STK32B: variants seen among roughly 807,000 people sequenced by gnomAD.
The protein encoded by STK32B is serine/threonine kinase 32B.
Under a neutral mutation model 52.6 loss-of-function variants are expected in STK32B, and 43 were observed. The ratio of observed to expected loss-of-function variants is 0.82; its 90% CI spans 0.64 to 1.05. The LOEUF (loss-of-function observed/expected upper bound fraction) is 1.05. Among genes scored for constraint, STK32B ranks in the 50% least tolerant of loss-of-function variants. The pLI, the probability that STK32B is intolerant of heterozygous loss-of-function variation, is 0.00. For synonymous variants in STK32B, 238 were observed against 204.3 expected (o/e 1.17, Z -1.41); for missense variants, 621 against 534.6 (o/e 1.16, Z -1.59).
At chr4:5,090,349 A>C (rs1446976668) in intron 1 of STK32B, among the ~76,000 whole-genome samples, 1 of 133,804 alleles carries the variant, frequency 7.5e-6, no homozygotes, top group Non-Finnish European at 1.6e-5. Context: ...TTTGGGTTTT[A>C]CATTTAAGTC....
At chr4:5,313,305 C>T (rs1379502244) in intron 3 of STK32B, among the ~76,000 whole-genome samples, 1 of 151,886 alleles carries the variant, frequency 6.6e-6, no homozygotes, top group African/African-American at 2.4e-5. Context: ...TCAATTGATG[C>T]AGAGAGAGCA....
At chr4:5,285,722 A>G (rs1728501960) in intron 3 of STK32B, among the ~76,000 whole-genome samples, 1 of 152,230 alleles carries the variant, frequency 6.6e-6, no homozygotes, top group Non-Finnish European at 1.5e-5. Flanking sequence ...CCTTATTAGT[A>G]GATAGATCAA....
the STK32B span, among the ~76,000 whole-genome samples, chr4:5,035,709 T>C: frequency 1.3e-5 from 2 of 152,212 alleles, no homozygotes; most frequent in Non-Finnish European, 2.9e-5. Flanking sequence ...AGGATCTTTT[T>C]AAACATTTGT....
chr4:5,195,736 G>A (rs894708550), intron 3 of STK32B, among the ~76,000 whole-genome samples: 1 of 152,178 alleles, frequency 6.6e-6, no homozygotes, highest in Non-Finnish European at 1.5e-5. Context: ...TGATAATTCT[G>A]TGACGTCCTG....
chr4:5,144,956 A>C (rs1562427), intron 2 of STK32B, among the ~76,000 whole-genome samples: 49,529 of 152,098 alleles, frequency 0.33, 9,495 homozygotes, highest in Non-Finnish European at 0.44. Flanking sequence ...AGTAATAAAC[A>C]GTCAACTATA....
chr4:5,295,187 T>A (rs10013689), intron 3 of STK32B, among the ~76,000 whole-genome samples: 4,096 of 152,246 alleles, frequency 0.027, 85 homozygotes, highest in East Asian at 0.071. Context: ...AGTATTTTAT[T>A]GAGGATTTTT....
chr4:5,434,084 G>T (rs921751804), intron 6 of STK32B, among the ~76,000 whole-genome samples: 4 of 152,158 alleles, frequency 2.6e-5, no homozygotes, highest in African/African-American at 4.8e-5. Context: ...ATCTTTCCAG[G>T]CCATTGCAGG....
At chr4:5,060,200 A>T (rs773559555) in intron 1 of STK32B, among the ~76,000 whole-genome samples, 84 of 152,174 alleles carry the variant, frequency 5.5e-4, no homozygotes, top group Non-Finnish European at 1.1e-3. Context: ...TCCCAACCTC[A>T]GGTGATCTGC....
intron 1 of STK32B, among the ~76,000 whole-genome samples, chr4:5,073,231 T>C (rs1243338703): frequency 1.3e-5 from 2 of 152,040 alleles, no homozygotes; most frequent in Admixed American, 1.3e-4. Context: ...TTCTTTGCTC[T>C]ATTTTTTCCT....
intron 6 of STK32B, among the ~76,000 whole-genome samples, chr4:5,440,454 T>G (rs891000988): frequency 1.3e-5 from 2 of 152,342 alleles, no homozygotes; most frequent in South Asian, 4.1e-4. Flanking sequence ...ACATTGATTT[T>G]GTATCCTGAG....
chr4:5,452,497 A>G (rs1433722495), intron 7 of STK32B, among the ~76,000 whole-genome samples: 1 of 152,116 alleles, frequency 6.6e-6, no homozygotes, highest in African/African-American at 2.4e-5. Context: ...TGAATTGTTC[A>G]GTGTTTTCAA....
chr4:5,458,942 G>A (rs1560432475), intron 8 of STK32B: 1 of 152,228 alleles, frequency 6.6e-6, no homozygotes, highest in Non-Finnish European at 1.5e-5. Flanking sequence ...GAACCATGTG[G>A]AAGCCTTACA....
chr4:5,146,588 C>G (rs1716932047), intron 2 of STK32B, among the ~76,000 whole-genome samples: 1 of 152,258 alleles, frequency 6.6e-6, no homozygotes, highest in East Asian at 1.9e-4. Context: ...TCCACTTAAT[C>G]AAATGTCAGT....
In STK32B at chr4:5,399,449, A is replaced by G. The variant is rs1737148746; in HGVS notation, c.472+1205A>G. Among the ~76,000 whole-genome samples the G allele has an allele frequency of 6.6e-6, 1 of 152,114 alleles. No homozygotes were observed. The highest frequency in any genetic ancestry group is 1.5e-5 in the Non-Finnish European group (1 of 68,010). On this transcript the variant is annotated intron_variant, in intron 5 of 11. Transcript: ENST00000282908. This position sits in a 1 kb window ranked among gnomAD's most constrained non-coding sequence, Gnocchi z 5.4. ...AGGAGTGGTGGATGGGACCATTTGC[A>G]TCTCTGCATCAGATGCTGGAACCAG...
At chr4:5,228,524 A>T (rs1300990025) in intron 3 of STK32B, among the ~76,000 whole-genome samples, 2 of 152,200 alleles carry the variant, frequency 1.3e-5, no homozygotes, top group South Asian at 2.1e-4. Flanking sequence ...CTGCAATAAA[A>T]TTTTTTTGTC....
chr4:5,413,035 C>CCCCTCT (rs1711836229), intron 5 of STK32B, among the ~76,000 whole-genome samples: 1 of 152,138 alleles, frequency 6.6e-6, no homozygotes, highest in Non-Finnish European at 1.5e-5. Context: ...TGCTGACATT[C>CCCCTCT]CCCTCTGTCA....
intron 3 of STK32B, among the ~76,000 whole-genome samples, chr4:5,225,692 T>C (rs1033589459): frequency 1.3e-5 from 2 of 152,178 alleles, no homozygotes; most frequent in Admixed American, 1.3e-4. Context: ...CAAAATTCTA[T>C]GGCCATTAGA....
At chr4:5,250,003 C>T (rs1007313420) in intron 3 of STK32B, among the ~76,000 whole-genome samples, 1 of 151,036 alleles carries the variant, frequency 6.6e-6, no homozygotes, top group African/African-American at 2.5e-5. Flanking sequence ...TGAGAACATG[C>T]AGTATTTGGT....
intron 9 of STK32B, among the ~76,000 whole-genome samples, chr4:5,461,126 G>T (rs1716991909): frequency 6.6e-6 from 1 of 152,162 alleles, no homozygotes; most frequent in African/African-American, 2.4e-5. Context: ...AGTGACAATT[G>T]GGATGGAAAT....
Sources: gnomAD v4.1 joint callset for allele counts (sites outside exome capture counted in the v4.1 genomes callset) on GRCh38, gnomAD v4.1.1 for gene constraint, Gnocchi (gnomAD v3.1) non-coding constraint, MANE v1.5 for transcripts, NCBI Gene and HGNC (gene_info 2026-07-23, HGNC 2026-07-21) for gene names.